The following BMP7 variants were observed in gnomAD, a reference collection of about 807,000 sequenced individuals.
BMP7 encodes the protein bone morphogenetic protein 7.
Under a neutral mutation model 41.2 loss-of-function variants are expected in BMP7, and 12 were observed. That is an observed-to-expected ratio of 0.29 (90% CI 0.19 to 0.47). The LOEUF is 0.47. Among genes scored for constraint, BMP7 ranks in the 20% least tolerant of loss-of-function variants. The probability of loss-of-function intolerance (pLI) is 0.99; values close to 1 mark genes in which losing one functional copy is unlikely to be tolerated. For synonymous variants in BMP7, 248 were observed against 250.0 expected (o/e 0.99, Z 0.07); for missense variants, 467 against 606.0 (o/e 0.77, Z 2.41).
rs1047401665 is a variant in BMP7, at chr20:57,213,906, T to C, written c.612-11283A>G. On this transcript the variant is annotated intron_variant, in intron 2 of 6. Transcript: ENST00000395863. The surrounding 1 kb of genome is among the most constrained non-coding windows in gnomAD (Gnocchi z 4.4). The stretch of plus-strand genomic sequence containing the variant: ...TGAGAATGAGTTAAATGGAAAGATA[T>C]GCTCAAGATGCCAGCGCAAAGCCAG... Among the ~76,000 whole-genome samples, 3 of 152,220 alleles carry C rather than the reference T, an allele frequency of 2.0e-5. No homozygotes were observed. The highest frequency in any genetic ancestry group is 3.8e-4 in the East Asian group (2 of 5,196).
intron 3 of BMP7, among the ~76,000 whole-genome samples, chr20:57,197,720 G>A: frequency 6.6e-6 from 1 of 152,350 alleles, no homozygotes; most frequent in African/African-American, 2.4e-5. Flanking sequence ...CTGGGCCCAG[G>A]ATTCAGCATG....
intron 1 of BMP7, among the ~76,000 whole-genome samples, chr20:57,252,105 C>T (rs1262527803): frequency 1.3e-5 from 2 of 152,312 alleles, no homozygotes; most frequent in African/African-American, 4.8e-5. Flanking sequence ...TCAACCCTGT[C>T]GCAGCGGCAG....
chr20:57,182,510 G>A (rs1181546928), intron 4 of BMP7, among the ~76,000 whole-genome samples: 4 of 152,238 alleles, frequency 2.6e-5, no homozygotes, highest in African/African-American at 4.8e-5. Flanking sequence ...TGGGATTGCT[G>A]GGGACACCGA....
chr20:57,237,804 T>C (rs1264229105), intron 1 of BMP7, among the ~76,000 whole-genome samples: 1 of 152,186 alleles, frequency 6.6e-6, no homozygotes, highest in African/African-American at 2.4e-5. Context: ...AAGGACTTTC[T>C]GGCTGCCCCA....
intron 3 of BMP7, among the ~76,000 whole-genome samples, chr20:57,197,593 T>C (rs916961410): frequency 6.6e-6 from 1 of 152,218 alleles, no homozygotes; most frequent in African/African-American, 2.4e-5. Context: ...TCTCAGCTTC[T>C]ATTTCCTCAT....
At position 57,170,378 on chromosome 20, in the gene BMP7, G is replaced by A. The variant is rs1983787337; in HGVS notation, c.*581C>T. 5.5e-6 allele frequency: 1 copy of A among 181,972 alleles called. No individual in the cohort carries two copies. The highest frequency in any genetic ancestry group is 1.2e-4 in the South Asian group (1 of 8,438). 11.3% of individuals were successfully genotyped at this position (181,972 alleles called of 1,614,324 possible). A position where few individuals can be genotyped will look rare whatever the true frequency, so the allele number is the denominator to read the frequency against. On this transcript the variant is annotated 3_prime_UTR_variant, in exon 7 of 7. Coordinates refer to ENST00000395863, the MANE Select transcript of BMP7 (RefSeq NM_001719.3). The stretch of plus-strand genomic sequence containing the variant: ...TGCAAGCCTCAGGATGAAAACTGTA[G>A]GGAATGGAGAGGGACCTCCCCGCCC...
intron 1 of BMP7, among the ~76,000 whole-genome samples, chr20:57,248,716 G>A (rs902527055): frequency 6.6e-6 from 1 of 152,220 alleles, no homozygotes; most frequent in South Asian, 2.1e-4. Context: ...GGGAGATAAT[G>A]ACATGTTTTT....
chr20:57,235,873 T>C (rs2066045634), intron 1 of BMP7, among the ~76,000 whole-genome samples: 2 of 152,158 alleles, frequency 1.3e-5, no homozygotes, highest in Admixed American at 6.5e-5. Flanking sequence ...AGATCTATTT[T>C]AGATAGAGGA....
rs1016269452 is a variant in BMP7 at position 57,261,269 on chromosome 20, G to A, written c.418+4436C>T. Among the ~76,000 whole-genome samples the A allele has an allele frequency of 6.6e-6, 1 of 152,136 alleles. No individual in the cohort carries two copies. Among genetic ancestry groups the A allele is most frequent in the South Asian group, 2.1e-4 (1 of 4,824 alleles). On this transcript the variant is annotated intron_variant, in intron 1 of 6. Transcript: ENST00000395863. The surrounding 1 kb of genome is among the most constrained non-coding windows in gnomAD (Gnocchi z 4.1). ...AGGGCTGCATCTCAAAAGCGGTTTC[G>A]TCTGTCTGTGCATTCAGACAATCAT...
At chr20:57,243,416 T>C (rs2066077653) in intron 1 of BMP7, among the ~76,000 whole-genome samples, 1 of 152,030 alleles carries the variant, frequency 6.6e-6, no homozygotes, top group African/African-American at 2.4e-5. Context: ...GAGGCAGAGG[T>C]TGCAGTGAGC....
At chr20:57,208,010 T>A (rs1212390021) in intron 2 of BMP7, among the ~76,000 whole-genome samples, 1 of 151,644 alleles carries the variant, frequency 6.6e-6, no homozygotes, top group African/African-American at 2.4e-5. Flanking sequence ...TTTGTATTTT[T>A]AGTAGAGACG....
chr20:57,256,971 T>A (rs1286316033), intron 1 of BMP7, among the ~76,000 whole-genome samples: 1 of 152,032 alleles, frequency 6.6e-6, no homozygotes, highest in East Asian at 1.9e-4. Context: ...AAAATAGAAA[T>A]TTTTGAAGTT....
intron 2 of BMP7, among the ~76,000 whole-genome samples, chr20:57,219,349 C>A (rs1211936009): frequency 6.6e-6 from 1 of 151,834 alleles, no homozygotes; most frequent in Non-Finnish European, 1.5e-5. Flanking sequence ...GGACTTCCCA[C>A]TTAAGTATGT....
At chr20:57,265,071 A>G (rs1166554145) in intron 1 of BMP7, among the ~76,000 whole-genome samples, 1 of 146,118 alleles carries the variant, frequency 6.8e-6, no homozygotes, top group Non-Finnish European at 1.5e-5. Context: ...AAAAAAGAAA[A>G]AAGAAAAAAA....
chr20:57,231,551 C>T (rs116576810), intron 1 of BMP7, among the ~76,000 whole-genome samples: 3,225 of 152,314 alleles, frequency 0.021, 136 homozygotes, highest in African/African-American at 0.073. Flanking sequence ...CATGGCTTCT[C>T]GAGTGCTTTT....
chr20:57,262,207 C>T lies in BMP7; in HGVS notation c.418+3498G>A, dbSNP rs144434404. Among the ~76,000 whole-genome samples, 1,088 of 152,288 alleles carry T rather than the reference C, an allele frequency of 7.1e-3. 9 individuals carry two copies. The highest frequency in any genetic ancestry group is 0.02 in the South Asian group (96 of 4,812). ...ACGGGCTATGGCTAGATGCAGTGTG[C>T]GGAGTCGCCATTGCCTGGGGATTAT... is the stretch of plus-strand genomic sequence containing the variant. On this transcript the variant is annotated intron_variant, in intron 1 of 6. Coordinates refer to ENST00000395863, the MANE Select transcript of BMP7 (RefSeq NM_001719.3).
chr20:57,226,476 C>T (rs559689339), intron 2 of BMP7, among the ~76,000 whole-genome samples: 39 of 152,214 alleles, frequency 2.6e-4, no homozygotes, highest in Non-Finnish European at 4.1e-4. Context: ...ACTTGCCCTG[C>T]GGCACCATCC....
At position 57,183,814 on chromosome 20, in the gene BMP7, C is replaced by T; in HGVS notation, c.866G>A (p.Arg289His). 1.2e-6 allele frequency: 2 copies of T among 1,614,172 alleles called. No homozygotes were observed. Among genetic ancestry groups the T allele is most frequent in the Non-Finnish European group, 1.7e-6 (2 of 1,180,044 alleles). The change falls in exon 4 of 7, where the codon CGC (arginine) becomes CAC (histidine). Residue 289 changes from arginine (R) to histidine (H), a missense_variant. This residue lies in a region of BMP7 where 407 missense variants were observed against 485.9 expected (regional missense o/e 0.84). Transcript: ENST00000395863. ...TTTGCTCCCCGTGGACCGGATGCTGCGGAAGTGGACCTCCGTGGCCTTGAA... is the reference window on the plus strand; with the variant it reads ...TTTGCTCCCCGTGGACCGGATGCTGTGGAAGTGGACCTCCGTGGCCTTGAA... ...AFFKATEVHFRSIRSTGSKQR... is the reference protein window; with the variant it reads ...AFFKATEVHFHSIRSTGSKQR...
At position 57,182,866 on chromosome 20, in the gene BMP7, T is replaced by C. The variant is rs1444594819; in HGVS notation, c.958+856A>G. On this transcript the variant is annotated intron_variant, in intron 4 of 6. Coordinates refer to ENST00000395863, the MANE Select transcript of BMP7 (RefSeq NM_001719.3). Reference sequence around the variant, plus strand: ...TTGCTTGCAATAAAAATATTATCTTTAATTTTTTTAAAACCTATCGTAAAT... The same window carrying C: ...TTGCTTGCAATAAAAATATTATCTTCAATTTTTTTAAAACCTATCGTAAAT... 2.0e-5 allele frequency among the ~76,000 whole-genome samples: 3 copies of C among 152,290 alleles called. No individual in the cohort carries two copies. The East Asian group carries it at 5.8e-4, about 29-fold the overall frequency.
Sources: allele counts gnomAD v4.1 joint callset (sites outside exome capture counted in the v4.1 genomes callset), GRCh38; gene constraint gnomAD v4.1.1; regional missense constraint gnomAD v4.1.1; non-coding constraint Gnocchi (gnomAD v3.1); transcripts MANE v1.5; gene names NCBI Gene and HGNC (gene_info 2026-07-23, HGNC 2026-07-21).